Variants in NBAS observed in about 807,000 individuals in gnomAD.
NBAS encodes NBAS subunit of NRZ tethering complex.
A neutral mutation model predicts 302.5 loss-of-function variants in NBAS; 219 were observed. The observed-to-expected ratio is 0.72, with a 90% confidence interval of 0.65 to 0.81. The LOEUF (loss-of-function observed/expected upper bound fraction) is 0.81, where lower values mean the gene tolerates loss of function less well. NBAS is among the 30% of genes least tolerant of loss of function. The probability of loss-of-function intolerance (pLI) is 0.00; values close to 1 mark genes in which losing one functional copy is unlikely to be tolerated. For synonymous variants in NBAS, 1,118 were observed against 1,021.6 expected (o/e 1.09, Z -1.80); for missense variants, 2,932 against 2,841.6 (o/e 1.03, Z -0.72).
At chr2:15,547,584 T>C (rs961029917) in intron 6 of NBAS, among the ~76,000 whole-genome samples, 1 of 152,214 alleles carries the variant, frequency 6.6e-6, no homozygotes, top group Non-Finnish European at 1.5e-5. Flanking sequence ...TGTTAATTTG[T>C]AGATTTCTCG....
At chr2:15,177,271 G>C (rs1373835264) in intron 51 of NBAS, among the ~76,000 whole-genome samples, 1 of 152,186 alleles carries the variant, frequency 6.6e-6, no homozygotes, top group African/African-American at 2.4e-5. Flanking sequence ...AAGTGTTACG[G>C]AAGTAAATCA....
At chr2:15,141,668 T>C in the NBAS span, among the ~76,000 whole-genome samples, 7 of 144,144 alleles carry the variant, frequency 4.9e-5, no homozygotes, top group African/African-American at 1.9e-4. Context: ...TTGCTCATTT[T>C]CAGCAAAATC....
chr2:14,825,369 A>G, the NBAS span, among the ~76,000 whole-genome samples: 3 of 152,190 alleles, frequency 2.0e-5, no homozygotes, highest in Admixed American at 6.5e-5. Context: ...TTATCTATAT[A>G]AAGTAGGTAG....
At chr2:14,810,618 G>A in the NBAS span, among the ~76,000 whole-genome samples, 71,638 of 151,966 alleles carry the variant, frequency 0.47, 17,773 homozygotes, top group African/African-American at 0.64. Flanking sequence ...TCTGGTTTCA[G>A]ATCTGGACTC....
At chr2:15,542,658 TA>T (rs984610167) in intron 6 of NBAS, among the ~76,000 whole-genome samples, 2,016 of 147,676 alleles carry the variant, frequency 0.014, 42 homozygotes, top group African/African-American at 0.044. Context: ...ATAAAAAAAA[TA>T]AAAAAAAAAT....
intron 31 of NBAS, among the ~76,000 whole-genome samples, chr2:15,368,620 C>T (rs187294959): frequency 1.6e-4 from 25 of 152,272 alleles, no homozygotes; most frequent in African/African-American, 5.3e-4. Flanking sequence ...ATCACCATTG[C>T]TAATACCTAC....
the NBAS span, among the ~76,000 whole-genome samples, chr2:15,039,596 G>A: frequency 6.6e-6 from 1 of 152,128 alleles, no homozygotes; most frequent in African/African-American, 2.4e-5. Context: ...CATTTTGGGG[G>A]AGCTAACAGA....
At chr2:15,148,493 G>A in the NBAS span, among the ~76,000 whole-genome samples, 1 of 152,182 alleles carries the variant, frequency 6.6e-6, no homozygotes, top group Non-Finnish European at 1.5e-5. Flanking sequence ...AGAGGTAAAG[G>A]GAGGGCATTC....
At chr2:15,489,772 G>A (rs75249245) in intron 11 of NBAS, among the ~76,000 whole-genome samples, 1 of 152,184 alleles carries the variant, frequency 6.6e-6, no homozygotes, top group Non-Finnish European at 1.5e-5. Flanking sequence ...CAAACCATAT[G>A]AGCAGAAATC....
chr2:15,531,645 C>T (rs994171954), intron 9 of NBAS, among the ~76,000 whole-genome samples: 6 of 152,224 alleles, frequency 3.9e-5, no homozygotes, highest in African/African-American at 1.4e-4. Flanking sequence ...TCTCTTTGAC[C>T]TCACCTTATT....
At chr2:15,077,402 T>C in the NBAS span, among the ~76,000 whole-genome samples, 1 of 152,188 alleles carries the variant, frequency 6.6e-6, no homozygotes, top group Non-Finnish European at 1.5e-5. Flanking sequence ...ATTCCACTCA[T>C]ATACAGTTCA....
chr2:15,463,788 C>CAAAAAAAAAAAAAAAAAAAAAAAAA (rs55808465), intron 19 of NBAS, among the ~76,000 whole-genome samples: 1 of 91,640 alleles, frequency 1.1e-5, no homozygotes, highest in Non-Finnish European at 2.0e-5. Flanking sequence ...GAACCAAATG[C>CAAAAAAAAAAAAAAAAAAAAAAAAA]AAAAAAAAAA....
At chr2:15,350,657 T>A (rs1673310324) in intron 35 of NBAS, among the ~76,000 whole-genome samples, 1 of 152,074 alleles carries the variant, frequency 6.6e-6, no homozygotes, top group South Asian at 2.1e-4. Context: ...TTCATAAGAA[T>A]CTCAATGAGG....
intron 11 of NBAS, among the ~76,000 whole-genome samples, chr2:15,493,497 A>T (rs140346687): frequency 1.3e-5 from 2 of 151,988 alleles, no homozygotes; most frequent in African/African-American, 4.8e-5. Flanking sequence ...GTAAAACCCC[A>T]TCTCTACAAA....
intron 44 of NBAS, among the ~76,000 whole-genome samples, chr2:15,256,842 T>G (rs557651615): frequency 2.1e-4 from 32 of 152,322 alleles, no homozygotes; most frequent in African/African-American, 7.7e-4. Flanking sequence ...TAATTCTGTT[T>G]ATGTGATATA....
chr2:14,991,965 A>G, the NBAS span, among the ~76,000 whole-genome samples: 1 of 152,138 alleles, frequency 6.6e-6, no homozygotes, highest in South Asian at 2.1e-4. Flanking sequence ...TCTGGAGGTT[A>G]CGGAGGAGGA....
At chr2:14,816,013 C>T in the NBAS span, among the ~76,000 whole-genome samples, 1 of 152,202 alleles carries the variant, frequency 6.6e-6, no homozygotes, top group Non-Finnish European at 1.5e-5. Context: ...ACTGGTCTCC[C>T]TGCCTTTATT....
At chr2:15,560,787 C>A (rs763471592) in intron 1 of NBAS, among the ~76,000 whole-genome samples, 1 of 152,202 alleles carries the variant, frequency 6.6e-6, no homozygotes, top group East Asian at 1.9e-4. Context: ...CTAGCCAGAC[C>A]GCGAGAAGGG....
At chr2:14,955,332 T>G in the NBAS span, among the ~76,000 whole-genome samples, 1 of 152,302 alleles carries the variant, frequency 6.6e-6, no homozygotes, top group Admixed American at 6.5e-5. Context: ...CCAGCTGCTT[T>G]CATGAGCCAG....
Sources: gnomAD v4.1 joint callset for allele counts (sites outside exome capture counted in the v4.1 genomes callset) on GRCh38, gnomAD v4.1.1 for gene constraint, MANE v1.5 for transcripts, NCBI Gene and HGNC (gene_info 2026-07-23, HGNC 2026-07-21) for gene names.